The following NALF1 variants were observed in gnomAD, a reference collection of about 807,000 sequenced individuals.
The protein encoded by NALF1 is family with sequence similarity 155 member A.
NALF1 carries 3 observed loss-of-function variants against 48.4 expected under a neutral mutation model. That is an observed-to-expected ratio of 0.06 (90% CI 0.03 to 0.16). The LOEUF (loss-of-function observed/expected upper bound fraction) is 0.16. Ranked by LOEUF, NALF1 falls within the 10% of genes least tolerant of loss-of-function variation. The pLI is 1.00. For synonymous variants in NALF1, 262 were observed against 245.7 expected (o/e 1.07, Z -0.62); for missense variants, 526 against 571.5 (o/e 0.92, Z 0.81).
At chr13:107,741,649 G>C (rs1288123612) in intron 1 of NALF1, among the ~76,000 whole-genome samples, 2 of 152,192 alleles carry the variant, frequency 1.3e-5, no homozygotes, top group African/African-American at 4.8e-5. Flanking sequence ...ATACTGTCTA[G>C]TTGGAATTGA....
At chr13:107,640,923 C>A (rs1349137576) in intron 1 of NALF1, among the ~76,000 whole-genome samples, 5 of 152,158 alleles carry the variant, frequency 3.3e-5, no homozygotes, top group African/African-American at 1.2e-4. Context: ...CCAGCAGTCT[C>A]ACTGCTTGGT....
intron 1 of NALF1, among the ~76,000 whole-genome samples, chr13:107,782,733 T>A (rs1877934471): frequency 6.8e-6 from 1 of 148,088 alleles, no homozygotes; most frequent in Non-Finnish European, 1.5e-5. Flanking sequence ...GGAGCGCCTC[T>A]GCCCGGTCGC....
chr13:107,357,848 G>A (rs1311928429), intron 1 of NALF1, among the ~76,000 whole-genome samples: 2 of 152,158 alleles, frequency 1.3e-5, no homozygotes. Context: ...CATTTCTTGA[G>A]GGGTTTTCAA....
chr13:107,360,979 T>A (rs553176925), intron 1 of NALF1, among the ~76,000 whole-genome samples: 2 of 152,302 alleles, frequency 1.3e-5, no homozygotes, highest in South Asian at 4.1e-4. Flanking sequence ...GTTTAATACA[T>A]CTTTTCTCCC....
chr13:107,612,718 G>C lies in NALF1; in HGVS notation c.915+252964C>G, dbSNP rs147319271. Among the ~76,000 whole-genome samples the C allele has an allele frequency of 8.7e-4, 132 of 152,208 alleles. 2 individuals are homozygous for C. In the East Asian group the frequency reaches 0.018, roughly 21 times the overall value. On this transcript the variant is annotated intron_variant, in intron 1 of 2. Transcript: ENST00000375915. The stretch of plus-strand genomic sequence containing the variant: ...ATGGACTTCAAGGCTGCCAGCATTT[G>C]GACTGGCACTGGCCCTCCTGGTTCT...
At chr13:107,317,104 A>C (rs569628585) in intron 1 of NALF1, among the ~76,000 whole-genome samples, 10 of 152,252 alleles carry the variant, frequency 6.6e-5, no homozygotes, top group African/African-American at 2.2e-4. Flanking sequence ...CCAAGACTAT[A>C]ATTCTGATTT....
chr13:107,742,247 A>G (rs1282501859), intron 1 of NALF1, among the ~76,000 whole-genome samples: 1 of 152,134 alleles, frequency 6.6e-6, no homozygotes, highest in Non-Finnish European at 1.5e-5. Context: ...TTCTTATTCT[A>G]GAGGTCTCAT....
rs1273857491 is a variant in NALF1, at chr13:107,309,401, C to T, written c.916-98646G>A. On this transcript the variant is annotated intron_variant, in intron 1 of 2. Transcript: ENST00000375915. Reference sequence around the variant, plus strand: ...CAAAACTATTTCTGCTTCTAAATGCCAGAGGGTGATCACTATCATTTTACT... The same window carrying T: ...CAAAACTATTTCTGCTTCTAAATGCTAGAGGGTGATCACTATCATTTTACT... 4.2e-4 allele frequency among the ~76,000 whole-genome samples: 64 copies of T among 152,140 alleles called. 1 individual carries two copies. Among genetic ancestry groups the T allele is most frequent in the Admixed American group, 4.1e-3 (62 of 15,262 alleles).
At chr13:107,270,005 C>T (rs1432957811) in intron 1 of NALF1, among the ~76,000 whole-genome samples, 3 of 144,104 alleles carry the variant, frequency 2.1e-5, no homozygotes, top group African/African-American at 7.8e-5. Flanking sequence ...TTCCTGACCT[C>T]GTGATCCGCC....
chr13:107,606,853 T>C (rs1879087176), intron 1 of NALF1, among the ~76,000 whole-genome samples: 1 of 152,130 alleles, frequency 6.6e-6, no homozygotes, highest in South Asian at 2.1e-4. Flanking sequence ...GAAAACAAAA[T>C]CTATCTGTCC....
chr13:107,472,325 T>C (rs1180630058), intron 1 of NALF1, among the ~76,000 whole-genome samples: 1 of 152,168 alleles, frequency 6.6e-6, no homozygotes, highest in Non-Finnish European at 1.5e-5. Flanking sequence ...CGAGACTCCC[T>C]CTCAAAACAA....
chr13:107,308,178 T>G (rs2138900514), intron 1 of NALF1, among the ~76,000 whole-genome samples: 1 of 151,418 alleles, frequency 6.6e-6, no homozygotes, highest in South Asian at 2.1e-4. Flanking sequence ...CTGTATTACT[T>G]TTTTGTATTT....
At chr13:107,773,499 G>A (rs1877636896) in intron 1 of NALF1, among the ~76,000 whole-genome samples, 1 of 151,970 alleles carries the variant, frequency 6.6e-6, no homozygotes, top group African/African-American at 2.4e-5. Flanking sequence ...TTCAAGGACT[G>A]ATTTCTTATT....
At chr13:107,782,034 C>T (rs1408288183) in intron 1 of NALF1, among the ~76,000 whole-genome samples, 2 of 152,032 alleles carry the variant, frequency 1.3e-5, no homozygotes, top group African/African-American at 4.8e-5. Context: ...TCTCCCTCTC[C>T]CTCTCCCTCC....
At chr13:107,612,026 G>T (rs111581287) in intron 1 of NALF1, among the ~76,000 whole-genome samples, 9 of 134,448 alleles carry the variant, frequency 6.7e-5, no homozygotes, top group African/African-American at 2.2e-4. Flanking sequence ...GAGAGAGAAA[G>T]AAAGAGGAGG....
intron 2 of NALF1, among the ~76,000 whole-genome samples, chr13:107,205,083 C>T (rs1400213253): frequency 6.6e-6 from 1 of 151,608 alleles, no homozygotes; most frequent in East Asian, 1.9e-4. Flanking sequence ...TATACATGTG[C>T]CACGCTGGTG....
At chr13:107,739,790 G>A (rs772722487) in intron 1 of NALF1, among the ~76,000 whole-genome samples, 37 of 152,258 alleles carry the variant, frequency 2.4e-4, no homozygotes, top group Admixed American at 9.8e-4. Flanking sequence ...TCACATTACC[G>A]CCTGAGCTCT....
chr13:107,166,006 A>ATGTGTGTGTGTGTGTGTGTG lies in NALF1; in HGVS notation c.*4471_*4490dup, dbSNP rs71204815. 2 of 146,210 alleles carry ATGTGTGTGTGTGTGTGTGTG rather than the reference A, an allele frequency of 1.4e-5. No individual in the cohort carries two copies. Among genetic ancestry groups the ATGTGTGTGTGTGTGTGTGTG allele is most frequent in the East Asian group, 4.1e-4 (2 of 4,924 alleles). 9.1% of individuals were successfully genotyped at this position (146,210 alleles called of 1,614,324 possible). On this transcript the variant is annotated 3_prime_UTR_variant, in exon 3 of 3. Transcript: ENST00000375915. ...TTGGTTGAAGTTTTATTTGCAAGCG[A>ATGTGTGTGTGTGTGTGTGTG]TGTGTGTGTGTGTGTGTGTGTGTGT...
At chr13:107,785,066 A>ATG (rs1317381635) in intron 1 of NALF1, among the ~76,000 whole-genome samples, 1 of 151,682 alleles carries the variant, frequency 6.6e-6, no homozygotes, top group South Asian at 2.1e-4. Context: ...GTGTCTGTGT[A>ATG]TGTGTGTGTG....
Sources: allele counts gnomAD v4.1 joint callset (sites outside exome capture counted in the v4.1 genomes callset), GRCh38; gene constraint gnomAD v4.1.1; transcripts MANE v1.5; gene names NCBI Gene and HGNC (gene_info 2026-07-23, HGNC 2026-07-21).